Variants in ST6GAL2 observed in about 807,000 individuals in gnomAD.
ST6GAL2 encodes ST6 beta-galactoside alpha-2,6-sialyltransferase 2, also known as beta-galactoside alpha-2,6-sialyltransferase 2.
In ST6GAL2, 24 loss-of-function variants were observed where a neutral mutation model predicts 37.5. The ratio of observed to expected loss-of-function variants is 0.64; its 90% confidence interval spans 0.46 to 0.90. The LOEUF is 0.90. Ranked by LOEUF, ST6GAL2 falls within the 40% of genes least tolerant of loss-of-function variation. The probability of loss-of-function intolerance (pLI) is 0.00; values close to 1 mark genes in which losing one functional copy is unlikely to be tolerated. For missense variants in ST6GAL2, 715 were observed against 712.7 expected (o/e 1.00, Z -0.04); for synonymous variants, 306 against 295.1 (o/e 1.04, Z -0.38).
chr2:106,830,910 A>G (rs1195935070), intron 4 of ST6GAL2, among the ~76,000 whole-genome samples: 1 of 152,166 alleles, frequency 6.6e-6, no homozygotes, highest in African/African-American at 2.4e-5. Context: ...TCATTCATCA[A>G]AAGGTACATT....
At position 106,830,326 on chromosome 2, in the gene ST6GAL2, G is replaced by A. The variant is rs890868312; in HGVS notation, c.1144-86C>T. 1.1e-5 allele frequency: 12 copies of A among 1,125,708 alleles called. No individual in the cohort carries two copies. The Admixed American group carries it at 1.4e-4, about 13-fold the overall frequency. 69.7% of individuals were successfully genotyped at this position (1,125,708 alleles called of 1,614,324 possible). A position where few individuals can be genotyped will look rare whatever the true frequency, so the allele number is the denominator to read the frequency against. ...GCATGGCTGGTTGATTTGAGGCAGA[G>A]GGGCCAGGCTGGGGCTAGAGGATGG... On this transcript the variant is annotated intron_variant, in intron 4 of 5. Transcript: ENST00000409382.
At chr2:106,809,561 A>G (rs1448857527) in intron 5 of ST6GAL2, among the ~76,000 whole-genome samples, 1 of 152,226 alleles carries the variant, frequency 6.6e-6, no homozygotes, top group Non-Finnish European at 1.5e-5. Context: ...GGTCCTCCCC[A>G]TAAAGCAGTA....
At chr2:106,855,081 T>G (rs1464850716) in intron 1 of ST6GAL2, among the ~76,000 whole-genome samples, 1 of 152,198 alleles carries the variant, frequency 6.6e-6, no homozygotes, top group East Asian at 1.9e-4. Flanking sequence ...ATTTATTAAG[T>G]CTATCATAAG....
At chr2:106,875,071 G>C in intron 1 of ST6GAL2, among the ~76,000 whole-genome samples, 1 of 152,032 alleles carries the variant, frequency 6.6e-6, no homozygotes, top group East Asian at 1.9e-4. Flanking sequence ...ATTTTCATTA[G>C]GCAGTCTGCC....
intron 5 of ST6GAL2, among the ~76,000 whole-genome samples, chr2:106,819,167 G>C (rs1176232045): frequency 1.3e-5 from 2 of 151,912 alleles, no homozygotes; most frequent in African/African-American, 4.8e-5. Context: ...AAGATATAGG[G>C]GTAGAAGGTT....
intron 5 of ST6GAL2, among the ~76,000 whole-genome samples, chr2:106,817,374 C>T (rs187655057): frequency 6.6e-6 from 1 of 152,308 alleles, no homozygotes; most frequent in East Asian, 1.9e-4. Flanking sequence ...AACTTGGATA[C>T]CAGCTCAGCC....
At chr2:106,883,143 C>A (rs1678820292) in intron 1 of ST6GAL2, among the ~76,000 whole-genome samples, 1 of 152,238 alleles carries the variant, frequency 6.6e-6, no homozygotes, top group East Asian at 1.9e-4. Context: ...TGTATTTCAC[C>A]TGTGGACTAG....
At chr2:106,812,693 T>C (rs1675655030) in intron 5 of ST6GAL2, among the ~76,000 whole-genome samples, 1 of 152,204 alleles carries the variant, frequency 6.6e-6, no homozygotes, top group Non-Finnish European at 1.5e-5. Flanking sequence ...ATGCACAAAT[T>C]CAAAGTATCA....
intron 1 of ST6GAL2, among the ~76,000 whole-genome samples, chr2:106,847,127 T>C (rs767964207): frequency 5.9e-5 from 9 of 152,222 alleles, no homozygotes; most frequent in Non-Finnish European, 8.8e-5. Flanking sequence ...TTCCCCCAAA[T>C]TGTCACTGTG....
chr2:106,811,816 C>T (rs1026236629), intron 5 of ST6GAL2, among the ~76,000 whole-genome samples: 3 of 152,106 alleles, frequency 2.0e-5, no homozygotes, highest in African/African-American at 7.2e-5. Context: ...AATAGGAAGA[C>T]CCAGAATCTA....
chr2:106,829,665 G>A (rs922399290), intron 5 of ST6GAL2, among the ~76,000 whole-genome samples: 1 of 152,132 alleles, frequency 6.6e-6, no homozygotes, highest in African/African-American at 2.4e-5. Context: ...TGGAATTTCA[G>A]AGTAGTCTGT....
intron 5 of ST6GAL2, among the ~76,000 whole-genome samples, chr2:106,814,682 G>T (rs1274594590): frequency 6.6e-6 from 1 of 152,204 alleles, no homozygotes; most frequent in Non-Finnish European, 1.5e-5. Context: ...GGTGTGCCTG[G>T]ATGCCCTACT....
intron 5 of ST6GAL2, chr2:106,822,840 A>G (rs1447014770): frequency 6.6e-6 from 1 of 152,194 alleles, no homozygotes; most frequent in East Asian, 1.9e-4. Flanking sequence ...AATCTTATTA[A>G]TATTGAAGTA....
intron 5 of ST6GAL2, among the ~76,000 whole-genome samples, chr2:106,820,363 A>T (rs1277106242): frequency 9.2e-5 from 14 of 152,046 alleles, no homozygotes; most frequent in South Asian, 2.1e-4. Flanking sequence ...CCAGCCAAAA[A>T]CCTATAAAAA....
chr2:106,880,202 T>C (rs889022898), intron 1 of ST6GAL2, among the ~76,000 whole-genome samples: 1 of 152,310 alleles, frequency 6.6e-6, no homozygotes, highest in African/African-American at 2.4e-5. Context: ...CTTAGGCTTA[T>C]GGTTTTAATT....
Position 106,868,868 on chromosome 2 carries a change from GA to G in ST6GAL2, c.-58+17224del, listed in dbSNP as rs1010330249. ...CGGAGTGCAATACAAAAAAGAAAAA[GA>G]AAAAAAAACCACTTATGAAATGCAT... On this transcript the variant is annotated intron_variant, in intron 1 of 5. Transcript: ENST00000409382. Among the ~76,000 whole-genome samples, 13 of 150,242 alleles carry G rather than the reference GA, an allele frequency of 8.7e-5. 1 individual carries two copies. Among genetic ancestry groups the G allele is most frequent in the South Asian group, 6.4e-4 (3 of 4,666 alleles).
chr2:106,847,148 A>G (rs1004955224), intron 1 of ST6GAL2, among the ~76,000 whole-genome samples: 1 of 152,242 alleles, frequency 6.6e-6, no homozygotes, highest in Admixed American at 6.5e-5. Context: ...TGATATTTTA[A>G]TATTTCCATT....
At chr2:106,849,906 A>G (rs1040882048) in intron 1 of ST6GAL2, among the ~76,000 whole-genome samples, 3 of 152,182 alleles carry the variant, frequency 2.0e-5, no homozygotes, top group Non-Finnish European at 4.4e-5. Context: ...GGCTAAACCA[A>G]TGCACACCTT....
At chr2:106,835,491 C>A (rs1676599174) in intron 2 of ST6GAL2, among the ~76,000 whole-genome samples, 1 of 152,194 alleles carries the variant, frequency 6.6e-6, no homozygotes, top group African/African-American at 2.4e-5. Context: ...AGCTTTAGCA[C>A]CAAAATTAAT....
Sources: gnomAD v4.1 joint callset for allele counts (sites outside exome capture counted in the v4.1 genomes callset) on GRCh38, gnomAD v4.1.1 for gene constraint, MANE v1.5 for transcripts, NCBI Gene and HGNC (gene_info 2026-07-23, HGNC 2026-07-21) for gene names.